Variants in GRIP1 observed in about 807,000 individuals in gnomAD.
GRIP1 encodes glutamate receptor-interacting protein 1.
In GRIP1, 45 loss-of-function variants were observed where a neutral mutation model predicts 129.9. That is an observed-to-expected ratio of 0.35 (90% CI 0.27 to 0.44). GRIP1 has a LOEUF of 0.44. Ranked by LOEUF, GRIP1 falls within the 20% of genes least tolerant of loss-of-function variation. The pLI is 1.00. For missense variants in GRIP1, 1,196 were observed against 1,396.8 expected (o/e 0.86, Z 2.29); for synonymous variants, 530 against 520.8 (o/e 1.02, Z -0.24).
intron 1 of GRIP1, among the ~76,000 whole-genome samples, chr12:66,645,314 C>T (rs928600213): frequency 1.3e-4 from 20 of 152,190 alleles, no homozygotes; most frequent in African/African-American, 4.6e-4. Context: ...GATTGGAAAA[C>T]AGACCTTAGG....
intron 1 of GRIP1, among the ~76,000 whole-genome samples, chr12:66,755,295 ATAAC>A (rs980955397): frequency 6.6e-6 from 1 of 152,190 alleles, no homozygotes; most frequent in Non-Finnish European, 1.5e-5. Context: ...TATGTGATAA[ATAAC>A]TAACTAGGAC....
At chr12:66,810,219 A>G (rs953402220) in intron 1 of GRIP1, among the ~76,000 whole-genome samples, 8 of 152,174 alleles carry the variant, frequency 5.3e-5, no homozygotes, top group African/African-American at 1.7e-4. Context: ...GTATAACAGT[A>G]TTAGCTTCTA....
chr12:67,064,464 C>T (rs770957767), intron 1 of GRIP1, among the ~76,000 whole-genome samples: 5 of 152,162 alleles, frequency 3.3e-5, no homozygotes, highest in African/African-American at 4.8e-5. Context: ...GACAGGGTGA[C>T]GAATAATAAC....
intron 1 of GRIP1, among the ~76,000 whole-genome samples, chr12:66,772,937 T>G (rs1259202855): frequency 6.6e-6 from 1 of 151,992 alleles, no homozygotes. Flanking sequence ...GAGGAAACCT[T>G]CCCCCAAATG....
intron 7 of GRIP1, among the ~76,000 whole-genome samples, chr12:66,478,046 A>C (rs1468891054): frequency 6.6e-6 from 1 of 152,240 alleles, no homozygotes; most frequent in Non-Finnish European, 1.5e-5. Context: ...ATTTAACTAA[A>C]GAGCTTCTGT....
intron 2 of GRIP1, among the ~76,000 whole-genome samples, chr12:66,582,004 C>T (rs1386885802): frequency 6.6e-6 from 1 of 152,162 alleles, no homozygotes; most frequent in Admixed American, 6.5e-5. Context: ...CAAAAATCCT[C>T]AATAAAATAC....
chr12:66,396,714 T>C (rs185359114), intron 16 of GRIP1, among the ~76,000 whole-genome samples: 4 of 152,268 alleles, frequency 2.6e-5, no homozygotes, highest in Non-Finnish European at 4.4e-5. Context: ...TGTGATTACA[T>C]TGGGGTGGAA....
At chr12:67,042,377 T>C (rs1231121381) in intron 1 of GRIP1, among the ~76,000 whole-genome samples, 2 of 152,148 alleles carry the variant, frequency 1.3e-5, no homozygotes, top group Non-Finnish European at 2.9e-5. Context: ...TTTTTCTATA[T>C]AAGGTAATAA....
At chr12:66,394,121 C>A in intron 17 of GRIP1, 87 bp downstream of exon 17, 2 of 1,260,144 alleles carry the variant, frequency 1.6e-6, no homozygotes, top group Non-Finnish European at 2.3e-6. Context: ...CAGATAACCA[C>A]AGAGAGAGGA....
At chr12:67,068,445 G>A (rs1256551726) in intron 1 of GRIP1, among the ~76,000 whole-genome samples, 1 of 152,064 alleles carries the variant, frequency 6.6e-6, no homozygotes, top group African/African-American at 2.4e-5. Flanking sequence ...CCCAGCCCCA[G>A]ACCCTGATCG....
chr12:66,463,167 T>C, intron 8 of GRIP1, 74 bp from the exon 9 acceptor site: 1 of 1,258,026 alleles, frequency 7.9e-7, no homozygotes. Flanking sequence ...TCCTTCATAG[T>C]TAAAATTTCA....
chr12:66,747,450 C>A (rs1174924716), intron 1 of GRIP1, among the ~76,000 whole-genome samples: 1 of 152,176 alleles, frequency 6.6e-6, no homozygotes, highest in East Asian at 1.9e-4. Context: ...TAAGTTACAT[C>A]TGCTAAACAT....
At position 66,715,471 on chromosome 12, in the gene GRIP1, T is replaced by TGAGAGAGAGA. The variant is rs71447469; in HGVS notation, c.-419-85145_-419-85136dup. On this transcript the variant is annotated intron_variant, in intron 1 of 4. Coordinates refer to the GRIP1 transcript ENST00000538373. ...AGCTTGATGTGTGTGTGTGTGTGTGTGAGAGAGAGAGAGAGAGAGAGAGAG... is the reference window on the plus strand; with the variant it reads ...AGCTTGATGTGTGTGTGTGTGTGTGTGAGAGAGAGAGAGAGAGAGAGAGAGAGAGAGAGAG... 3.7e-4 allele frequency among the ~76,000 whole-genome samples: 41 copies of TGAGAGAGAGA among 110,110 alleles called. 1 individual carries two copies. The highest frequency in any genetic ancestry group is 8.1e-4 in the African/African-American group (24 of 29,568). 72.2% of individuals were successfully genotyped at this position (110,110 alleles called of 152,430 possible). A position where few individuals can be genotyped will look rare whatever the true frequency, so the allele number is the denominator to read the frequency against.
chr12:66,879,808 T>A (rs567375133), intron 1 of GRIP1, among the ~76,000 whole-genome samples: 6 of 152,034 alleles, frequency 3.9e-5, no homozygotes, highest in African/African-American at 1.4e-4. Flanking sequence ...AGTATAAGAG[T>A]AGATAAGGCA....
chr12:66,908,769 G>A (rs773379209), intron 1 of GRIP1, among the ~76,000 whole-genome samples: 3 of 152,182 alleles, frequency 2.0e-5, no homozygotes, highest in African/African-American at 4.8e-5. Flanking sequence ...GATGGTAGCT[G>A]CAATAATTTT....
chr12:66,655,648 C>T (rs2033109379), intron 1 of GRIP1, among the ~76,000 whole-genome samples: 1 of 135,220 alleles, frequency 7.4e-6, no homozygotes, highest in Admixed American at 8.3e-5. Context: ...CTCGCTCTGT[C>T]ACCCAGGCTG....
Position 66,558,667 on chromosome 12 carries a change from T to A in GRIP1, c.137-16717A>T, listed in dbSNP as rs138250483. Among the ~76,000 whole-genome samples, 1,170 of 152,200 alleles carry A rather than the reference T, an allele frequency of 7.7e-3. 12 individuals carry two copies. The highest frequency in any genetic ancestry group is 0.024 in the Middle Eastern group (7 of 294). ...TGAACTGACCATAACTCATAACAAGTAATGAGATTAAAGCTGTAATAAAAA... is the reference window on the plus strand; with the variant it reads ...TGAACTGACCATAACTCATAACAAGAAATGAGATTAAAGCTGTAATAAAAA... On this transcript the variant is annotated intron_variant, in intron 2 of 24. Transcript: ENST00000359742.
At chr12:66,623,674 G>A (rs2139988309) in intron 1 of GRIP1, among the ~76,000 whole-genome samples, 1 of 152,202 alleles carries the variant, frequency 6.6e-6, no homozygotes, top group Non-Finnish European at 1.5e-5. Context: ...CTCAGAACCT[G>A]AGTCACTTCC....
intron 1 of GRIP1, among the ~76,000 whole-genome samples, chr12:66,887,368 G>A (rs944954462): frequency 6.6e-6 from 1 of 152,118 alleles, no homozygotes; most frequent in African/African-American, 2.4e-5. Context: ...GTGCCTCAAC[G>A]TCCTCAGGGG....
Sources: allele counts gnomAD v4.1 joint callset (sites outside exome capture counted in the v4.1 genomes callset), GRCh38; gene constraint gnomAD v4.1.1; transcripts MANE v1.5; gene names NCBI Gene and HGNC (gene_info 2026-07-23, HGNC 2026-07-21).